Variants in ATRIP observed in about 807,000 individuals in gnomAD.
ATRIP encodes ATR interacting protein, also known as ATR-interacting protein.
Under a neutral mutation model 78.1 loss-of-function variants are expected in ATRIP, and 44 were observed. The observed-to-expected ratio is 0.56, with a 90% CI of 0.44 to 0.72. The LOEUF (loss-of-function observed/expected upper bound fraction) is 0.72, where lower values mean the gene tolerates loss of function less well. Ranked by LOEUF, ATRIP falls within the 30% of genes least tolerant of loss-of-function variation. The pLI is 0.00. For missense variants in ATRIP, 927 were observed against 980.2 expected (o/e 0.95, Z 0.72); for synonymous variants, 388 against 408.9 (o/e 0.95, Z 0.62).
Position 48,466,193 on chromosome 3 carries a change from C to G in ATRIP, c.*639C>G. 1 of 538,128 alleles carries G rather than the reference C, an allele frequency of 1.9e-6. No homozygotes were observed. The highest frequency in any genetic ancestry group is 3.4e-6 in the Non-Finnish European group (1 of 295,766). 33.3% of individuals were successfully genotyped at this position (538,128 alleles called of 1,614,324 possible). On this transcript the variant is annotated 3_prime_UTR_variant, in exon 13 of 13. Coordinates refer to ENST00000320211, the MANE Select transcript of ATRIP (RefSeq NM_130384.3). ...AGGCTGACGAGCAGGGCGGGCCTGG[C>G]TCACGTGGGCCTGTAGGCGGGCCCA...
In ATRIP at chr3:48,466,462, C is replaced by G. The variant is rs1307454325; in HGVS notation, c.*908C>G. The G allele has an allele frequency of 1.2e-6, 2 of 1,613,772 alleles. No homozygotes were observed. The highest frequency in any genetic ancestry group is 2.2e-5 in the East Asian group (1 of 44,868). ...TGTGCTGGTCCCACTAAGGAAACCA[C>G]CTCACCCTCTCCAACTTCCTGCCTG... On this transcript the variant is annotated 3_prime_UTR_variant, in exon 13 of 13. Coordinates refer to ENST00000320211, the MANE Select transcript of ATRIP (RefSeq NM_130384.3).
chr3:48,467,353 A>G lies in ATRIP; in HGVS notation c.*1799A>G, dbSNP rs1193806083. On this transcript the variant is annotated 3_prime_UTR_variant, in exon 13 of 13. Transcript: ENST00000320211. The stretch of plus-strand genomic sequence containing the variant: ...CCTTTCGGCACCATCAGGCCCATGT[A>G]TGGGGTCACAGCCTCTGCTAGGACC... 1.2e-6 allele frequency: 2 copies of G among 1,614,144 alleles called. No homozygotes were observed. The highest frequency in any genetic ancestry group is 4.5e-5 in the East Asian group (2 of 44,890).
intron 2 of ATRIP, among the ~76,000 whole-genome samples, chr3:48,451,433 T>C (rs1462476252): frequency 1.3e-5 from 2 of 152,152 alleles, no homozygotes; most frequent in Non-Finnish European, 2.9e-5. Context: ...CAAGGTTACA[T>C]TGAGCTATGA....
chr3:48,459,948 G>C (rs1291343687), intron 7 of ATRIP, 32 bp downstream of exon 7: 1 of 1,587,198 alleles, frequency 6.3e-7, no homozygotes, highest in Admixed American at 1.9e-5. Flanking sequence ...AGCTTGTTTG[G>C]GAAGGAGCTT....
chr3:48,464,220 G>A (rs111914804), intron 10 of ATRIP, 88 bp downstream of exon 10: 42 of 1,216,576 alleles, frequency 3.5e-5, no homozygotes, highest in East Asian at 9.4e-5. Flanking sequence ...GAGGAGAAAC[G>A]GAGCTTTAAT....
intron 8 of ATRIP, among the ~76,000 whole-genome samples, chr3:48,461,652 A>C (rs1181478794): frequency 6.6e-6 from 1 of 151,798 alleles, no homozygotes; most frequent in Non-Finnish European, 1.5e-5. Context: ...TCAAGTGCCC[A>C]GCAGGGGCCC....
At chr3:48,452,426 A>G (rs147036454) in intron 3 of ATRIP, among the ~76,000 whole-genome samples, 272 of 152,248 alleles carry the variant, frequency 1.8e-3, no homozygotes, top group African/African-American at 6.4e-3. Flanking sequence ...GCTCACACCT[A>G]TAATCCAGCA....
intron 8 of ATRIP, among the ~76,000 whole-genome samples, chr3:48,461,994 C>T (rs2040130379): frequency 6.6e-6 from 1 of 152,060 alleles, no homozygotes; most frequent in East Asian, 1.9e-4. Flanking sequence ...GCGTGAGCCA[C>T]CGGGCCCAGC....
chr3:48,449,272 G>T (rs1014645575), intron 1 of ATRIP, among the ~76,000 whole-genome samples: 1 of 151,602 alleles, frequency 6.6e-6, no homozygotes, highest in Non-Finnish European at 1.5e-5. Flanking sequence ...AAATTAGCCG[G>T]GCGTGGTAGC....
chr3:48,459,891 C>T lies in ATRIP; in HGVS notation c.1030C>T (p.Pro344Ser). The T allele has an allele frequency of 1.2e-6, 2 of 1,613,498 alleles. No homozygotes were observed. Among genetic ancestry groups the T allele is most frequent in the Non-Finnish European group, 1.7e-6 (2 of 1,179,780 alleles). ...TAGTTCTGAGTCTCCTGCTGGCACC[C>T]CCCTGCAGCCACCAGGGTTTGGCAG... ...SSSSESPAGT[P>S]LQPPGFGSTL... Residue 344 changes from proline to serine, a missense_variant, in exon 7 of 13, where the codon CCC (proline) becomes TCC (serine). Transcript: ENST00000320211.
At chr3:48,463,341 A>C (rs1299262526) in intron 8 of ATRIP, among the ~76,000 whole-genome samples, 1 of 152,130 alleles carries the variant, frequency 6.6e-6, no homozygotes, top group African/African-American at 2.4e-5. Flanking sequence ...AGCCATAGCC[A>C]AGGCCATGTT....
At chr3:48,452,568 A>G (rs986183515) in intron 3 of ATRIP, among the ~76,000 whole-genome samples, 1 of 151,984 alleles carries the variant, frequency 6.6e-6, no homozygotes, top group Non-Finnish European at 1.5e-5. Context: ...GGTGGTGTGC[A>G]CCTGTAGTCC....
In ATRIP at chr3:48,464,101, T is replaced by A; in HGVS notation, c.1943T>A (p.Leu648Ter). 2 of 1,613,882 alleles carry A rather than the reference T, an allele frequency of 1.2e-6. No individual in the cohort carries two copies. Among genetic ancestry groups the A allele is most frequent in the Non-Finnish European group, 1.7e-6 (2 of 1,180,014 alleles). The change falls in exon 10 of 13, where the codon TTG becomes TAG. Residue 648 changes from leucine to a stop codon, truncating the protein, a stop_gained. Transcript: ENST00000320211. LOFTEE classifies it high-confidence loss of function. ...YITSRPDRVA[L>*]ETQWLQLEQE... The stretch of plus-strand genomic sequence containing the variant: ...ACATCACGGCCTGACAGAGTGGCCT[T>A]GGAGACACAATGGCTCCAGCTGGAA...
chr3:48,464,500 A>G, intron 10 of ATRIP, 82 bp from the exon 11 acceptor site: 2 of 1,424,010 alleles, frequency 1.4e-6, no homozygotes, highest in Non-Finnish European at 2.0e-6. Flanking sequence ...GAAGCAAGTG[A>G]ACTCTTATAG....
Position 48,467,632 on chromosome 3 carries a change from C to A in ATRIP, c.*2078C>A, listed in dbSNP as rs1005635836. ...AAGGAAAATCTGACGAATAAAGACC[C>A]CCGCTGCCCCATAGCACTGAGTGGT... is the stretch of plus-strand genomic sequence containing the variant. On this transcript the variant is annotated 3_prime_UTR_variant, in exon 13 of 13. Coordinates refer to ENST00000320211, the MANE Select transcript of ATRIP (RefSeq NM_130384.3). The A allele has an allele frequency of 1.3e-6, 2 of 1,598,252 alleles. No individual in the cohort carries two copies.
Position 48,451,869 on chromosome 3 carries a change from C to G in ATRIP, c.522C>G (p.Leu174=), listed in dbSNP as rs141432992. 2.7e-5 allele frequency: 44 copies of G among 1,608,298 alleles called. No homozygotes were observed. The highest frequency in any genetic ancestry group is 3.4e-5 in the Admixed American group (2 of 59,270). The change falls in exon 3 of 13, where the codon CTC becomes CTG. Residue 174 remains leucine, a synonymous_variant. Transcript: ENST00000320211. ...TTGAGCAAGAGAAAACCCAAGCACT[C>G]AGTGACAAGGAAAAGGAATTCTCCA... ...FLLEQEKTQA[L]SDKEKEFSKK... is the part of the protein sequence containing the mutation.
intron 7 of ATRIP, 93 bp from the exon 8 acceptor site, chr3:48,460,017 G>A: frequency 6.4e-7 from 1 of 1,551,460 alleles, no homozygotes; most frequent in Non-Finnish European, 8.7e-7. Context: ...GGAAGGGCAG[G>A]CAGCCTGGAG....
chr3:48,455,780 G>T (rs1211741503), intron 4 of ATRIP, among the ~76,000 whole-genome samples: 1 of 151,906 alleles, frequency 6.6e-6, no homozygotes, highest in African/African-American at 2.4e-5. Flanking sequence ...TTACAAGGGT[G>T]AGCCACTGTG....
intron 4 of ATRIP, among the ~76,000 whole-genome samples, chr3:48,455,843 G>A (rs1560104268): frequency 6.6e-6 from 1 of 151,932 alleles, no homozygotes; most frequent in Non-Finnish European, 1.5e-5. Flanking sequence ...CACATTGGCT[G>A]GGTGCAGTGG....
Sources: allele counts gnomAD v4.1 joint callset (sites outside exome capture counted in the v4.1 genomes callset), GRCh38; gene constraint gnomAD v4.1.1; transcripts MANE v1.5; gene names NCBI Gene and HGNC (gene_info 2026-07-23, HGNC 2026-07-21).